The following TLE4 variants were observed in gnomAD, a reference collection of about 807,000 sequenced individuals.
The protein encoded by TLE4 is TLE family member 4, transcriptional corepressor.
A neutral mutation model predicts 92.8 loss-of-function variants in TLE4; 8 were observed. The ratio of observed to expected loss-of-function variants is 0.09; its 90% CI spans 0.05 to 0.16. The LOEUF (loss-of-function observed/expected upper bound fraction) is 0.16, where lower values mean the gene tolerates loss of function less well. Among genes scored for constraint, TLE4 ranks in the 10% least tolerant of loss-of-function variants. The pLI, the probability that TLE4 is intolerant of heterozygous loss-of-function variation, is 1.00. For missense variants in TLE4, 675 were observed against 997.6 expected (o/e 0.68, Z 4.36); for synonymous variants, 371 against 374.1 (o/e 0.99, Z 0.10).
chr9:79,626,129 C>G (rs2052549359), intron 5 of TLE4, among the ~76,000 whole-genome samples: 1 of 152,028 alleles, frequency 6.6e-6, no homozygotes, highest in South Asian at 2.1e-4. Flanking sequence ...TAATTAAAGT[C>G]GTTTCCTTTT....
At chr9:79,600,966 G>C (rs1426512497) in intron 4 of TLE4, among the ~76,000 whole-genome samples, 1 of 152,150 alleles carries the variant, frequency 6.6e-6, no homozygotes, top group Non-Finnish European at 1.5e-5. Flanking sequence ...ACATTATAGA[G>C]ATTTCTCATG....
At chr9:79,640,430 T>C (rs1310775237) in intron 6 of TLE4, among the ~76,000 whole-genome samples, 1 of 152,102 alleles carries the variant, frequency 6.6e-6, no homozygotes. Context: ...TTAATTTTTT[T>C]TTTCACTCCG....
At chr9:79,584,964 T>C (rs1476004678) in intron 4 of TLE4, among the ~76,000 whole-genome samples, 1 of 152,204 alleles carries the variant, frequency 6.6e-6, no homozygotes, top group African/African-American at 2.4e-5. Context: ...TCTGAATAAT[T>C]CTTTTACTAT....
intron 6 of TLE4, among the ~76,000 whole-genome samples, chr9:79,628,933 C>T (rs2053452269): frequency 6.7e-6 from 1 of 149,450 alleles, no homozygotes; most frequent in Non-Finnish European, 1.5e-5. Context: ...AGCTGTGCTC[C>T]ATTGACGTGT....
chr9:79,581,375 T>G (rs922305287), intron 4 of TLE4, among the ~76,000 whole-genome samples: 1 of 152,158 alleles, frequency 6.6e-6, no homozygotes, highest in Non-Finnish European at 1.5e-5. Flanking sequence ...TGTGTATGTT[T>G]TAGGGTGTGT....
chr9:79,576,106 A>T (rs2037670602), intron 3 of TLE4, 27 bp from the exon 4 acceptor site: 1 of 1,442,798 alleles, frequency 6.9e-7, no homozygotes, highest in Admixed American at 2.2e-5. Flanking sequence ...AAAGTCATGC[A>T]TTTAATTGCT....
chr9:79,666,197 GGGT>G (rs1386217935), intron 8 of TLE4, among the ~76,000 whole-genome samples: 12 of 139,214 alleles, frequency 8.6e-5, no homozygotes, highest in African/African-American at 2.9e-4. Flanking sequence ...GTGTGTGTGT[GGGT>G]GGGGTTTTTT....
chr9:79,579,290 G>A (rs2038940519), intron 4 of TLE4, among the ~76,000 whole-genome samples: 1 of 152,206 alleles, frequency 6.6e-6, no homozygotes, highest in Non-Finnish European at 1.5e-5. Flanking sequence ...GATGCATGGA[G>A]TTGATAGCAT....
chr9:79,618,697 C>T (rs1462938803), intron 5 of TLE4, among the ~76,000 whole-genome samples: 3 of 152,024 alleles, frequency 2.0e-5, no homozygotes, highest in African/African-American at 7.3e-5. Flanking sequence ...AAACAGAAGC[C>T]GAGCTGCTCA....
intron 8 of TLE4, among the ~76,000 whole-genome samples, chr9:79,663,087 A>G (rs1316927839): frequency 6.6e-6 from 1 of 151,922 alleles, no homozygotes; most frequent in African/African-American, 2.4e-5. Flanking sequence ...GAAGGAGGGG[A>G]AAGTTAGTCT....
At chr9:79,632,828 G>A (rs902885652) in intron 6 of TLE4, among the ~76,000 whole-genome samples, 13 of 152,126 alleles carry the variant, frequency 8.5e-5, no homozygotes, top group Non-Finnish European at 1.9e-4. Context: ...ACTGAATAGT[G>A]TGCCTGGAGC....
At chr9:79,576,759 G>GA (rs2037917988) in intron 4 of TLE4, 1 of 150,376 alleles carries the variant, frequency 6.6e-6, no homozygotes, top group East Asian at 1.9e-4. Context: ...AGGAGGATGT[G>GA]ATAAGGTTCA....
intron 8 of TLE4, among the ~76,000 whole-genome samples, chr9:79,679,682 A>G (rs368212032): frequency 6.6e-6 from 1 of 151,836 alleles, no homozygotes; most frequent in Non-Finnish European, 1.5e-5. Flanking sequence ...TAGACATGAA[A>G]TCCTTGCCCA....
chr9:79,720,382 GT>G lies in TLE4; in HGVS notation c.1838+90del, dbSNP rs375284475. On this transcript the variant is annotated intron_variant, in intron 16 of 19. Transcript: ENST00000376552. ...GTGCTGTGTATATAGGTATGGGTGT[GT>G]GTGTGTGTGTGTGTGTGTGTGTGTG... is the stretch of plus-strand genomic sequence containing the variant. 147 of 80,232 alleles carry G rather than the reference GT, an allele frequency of 1.8e-3. 1 individual carries two copies. Among genetic ancestry groups the G allele is most frequent in the Admixed American group, 0.013 (22 of 1,654 alleles). 5.0% of individuals were successfully genotyped at this position (80,232 alleles called of 1,614,324 possible).
chr9:79,579,042 C>G (rs951719545), intron 4 of TLE4, among the ~76,000 whole-genome samples: 1 of 151,670 alleles, frequency 6.6e-6, no homozygotes, highest in Non-Finnish European at 1.5e-5. Flanking sequence ...ACAAATAGGA[C>G]ATGGTTAGAA....
Position 79,606,187 on chromosome 9 carries a change from GTTTTTTTTTTTTTTTTT to G in TLE4, c.253-6447_253-6431del, listed in dbSNP as rs71364420. Among the ~76,000 whole-genome samples the G allele has an allele frequency of 1.7e-3, 49 of 28,714 alleles. 1 individual carries two copies. Among genetic ancestry groups the G allele is most frequent in the South Asian group, 2.9e-3 (2 of 690 alleles). 18.8% of individuals were successfully genotyped at this position (28,714 alleles called of 152,430 possible). A position where few individuals can be genotyped will look rare whatever the true frequency, so the allele number is the denominator to read the frequency against. ...ATTGCTTTATTAAGCAGTAGTAGTT[GTTTTTTTTTTTTTTTTT>G]TTTTTTTTTTTTTTTTTTTTTAACA... is the stretch of plus-strand genomic sequence containing the variant. On this transcript the variant is annotated intron_variant, in intron 4 of 19. Coordinates refer to ENST00000376552, the MANE Select transcript of TLE4 (RefSeq NM_007005.6).
intron 16 of TLE4, among the ~76,000 whole-genome samples, chr9:79,720,705 G>T (rs754564233): frequency 1.3e-5 from 2 of 152,030 alleles, no homozygotes; most frequent in Non-Finnish European, 2.9e-5. Context: ...GATTATTGTT[G>T]ATAGAGCCTC....
chr9:79,573,534 G>A (rs1269518896), intron 1 of TLE4, 155 bp from the exon 2 acceptor site: 2 of 813,156 alleles, frequency 2.5e-6, no homozygotes, highest in Non-Finnish European at 1.7e-6. Context: ...TGGGCTGTTG[G>A]GCGCGAGGAG....
At chr9:79,707,455 T>C (rs920579175) in intron 11 of TLE4, among the ~76,000 whole-genome samples, 12 of 152,204 alleles carry the variant, frequency 7.9e-5, no homozygotes, top group Non-Finnish European at 1.3e-4. Context: ...CTTTGTGTGG[T>C]GTGTCTTTTT....
Sources: gnomAD v4.1 joint callset for allele counts (sites outside exome capture counted in the v4.1 genomes callset) on GRCh38, gnomAD v4.1.1 for gene constraint, MANE v1.5 for transcripts, NCBI Gene and HGNC (gene_info 2026-07-23, HGNC 2026-07-21) for gene names.